Variants in HDAC9 observed in about 807,000 individuals in gnomAD.
The protein encoded by HDAC9 is histone deacetylase 9.
Under a neutral mutation model 139.4 loss-of-function variants are expected in HDAC9, and 41 were observed. That is an observed-to-expected ratio of 0.29 (90% CI 0.23 to 0.38). The LOEUF is 0.38. Ranked by LOEUF, HDAC9 falls within the 10% of genes least tolerant of loss-of-function variation. The probability of loss-of-function intolerance (pLI) is 1.00; values close to 1 mark genes in which losing one functional copy is unlikely to be tolerated. For missense variants in HDAC9, 1,147 were observed against 1,297.0 expected, an observed-to-expected ratio of 0.88 and a Z score of 1.78; for synonymous variants, 517 against 476.2, an observed-to-expected ratio of 1.09 and a Z score of -1.12.
At chr7:18,794,978 G>A (rs769526090) in intron 17 of HDAC9, among the ~76,000 whole-genome samples, 1 of 152,104 alleles carries the variant, frequency 6.6e-6, no homozygotes, top group African/African-American at 2.4e-5. Flanking sequence ...ATGCCCACGT[G>A]TTTCAGTCAT....
intron 1 of HDAC9, among the ~76,000 whole-genome samples, chr7:18,328,250 G>C (rs929303776): frequency 6.6e-6 from 1 of 151,916 alleles, no homozygotes; most frequent in Non-Finnish European, 1.5e-5. Flanking sequence ...ACGTGGAATT[G>C]CCTTTACTCG....
chr7:18,647,800 A>C lies in HDAC9; in HGVS notation c.1051A>C (p.Lys351Gln), dbSNP rs1326583911. 1.2e-6 allele frequency: 2 copies of C among 1,609,226 alleles called. No individual in the cohort carries two copies. Among genetic ancestry groups the C allele is most frequent in the Non-Finnish European group, 8.5e-7 (1 of 1,177,696 alleles). The change falls in exon 10 of 26, where the codon AAA (lysine) becomes CAA (glutamine). Residue 351 changes from lysine to glutamine, a missense_variant. Lys to Gln is a moderately conservative substitution (Grantham distance 53, BLOSUM62 1). This residue lies in a region of HDAC9 where 264 missense variants were observed against 273.8 expected (regional missense o/e 0.96). Coordinates refer to ENST00000686413, the MANE Select transcript of HDAC9 (RefSeq NM_178425.4). ...PSQLNASNSL[K>Q]EKQKCETQTL... The stretch of plus-strand genomic sequence containing the variant: ...CTCAACACAGGCTTCGAATTCACTC[A>C]AAGAAAAGCAGAAGTGTGAGACGCA...
chr7:18,789,637 G>A (rs1020150480), intron 16 of HDAC9, among the ~76,000 whole-genome samples: 1 of 152,080 alleles, frequency 6.6e-6, no homozygotes, highest in Non-Finnish European at 1.5e-5. Flanking sequence ...ATGTGAGGGT[G>A]CCTGTCTTCT....
rs575408136 is a variant in HDAC9, at chr7:18,421,456, GAGAA to G, written c.-41-74793_-41-74790del. 6.4e-4 allele frequency among the ~76,000 whole-genome samples: 96 copies of G among 149,966 alleles called. 1 individual carries two copies. Among genetic ancestry groups the G allele is most frequent in the Non-Finnish European group, 5.6e-4 (38 of 67,286 alleles). ...GAAAGGGAAAGAGAAAAGGGAGAAA[GAGAA>G]AGAAAGAAAGAATGAAAAAATGAAA... On this transcript the variant is annotated intron_variant, in intron 1 of 3. Transcript: ENST00000413509.
chr7:18,647,676 G>T (rs1460963296), intron 9 of HDAC9, 109 bp from the exon 10 acceptor site: 1 of 866,916 alleles, frequency 1.2e-6, no homozygotes, highest in Non-Finnish European at 1.7e-6. Flanking sequence ...GGTAAGATGG[G>T]GCTTTTGTTT....
chr7:18,803,058 A>G (rs1207853371), intron 17 of HDAC9, among the ~76,000 whole-genome samples: 4 of 151,826 alleles, frequency 2.6e-5, no homozygotes, highest in South Asian at 2.1e-4. Context: ...TTGTCCCCTT[A>G]CTTTCACCCG....
At chr7:18,585,152 C>A in intron 2 of HDAC9, 129 bp from the exon 3 acceptor site, 1 of 968,220 alleles carries the variant, frequency 1.0e-6, no homozygotes, top group Non-Finnish European at 1.6e-6. Flanking sequence ...AAAGAAATGG[C>A]TAGAGTCATT....
intron 2 of HDAC9, chr7:18,578,272 A>G (rs1429718116): frequency 1.2e-5 from 6 of 517,782 alleles, no homozygotes; most frequent in African/African-American, 9.6e-5. Context: ...ACACAATGAC[A>G]TCGAAGGTGT....
At chr7:18,912,894 T>G (rs1336082972) in intron 22 of HDAC9, among the ~76,000 whole-genome samples, 1 of 152,094 alleles carries the variant, frequency 6.6e-6, no homozygotes, top group East Asian at 1.9e-4. Context: ...AATATGCTCA[T>G]GCACCTTGAA....
chr7:18,101,183 C>T (rs1298901161), intron 1 of HDAC9, among the ~76,000 whole-genome samples: 5 of 152,196 alleles, frequency 3.3e-5, no homozygotes, highest in African/African-American at 1.2e-4. Flanking sequence ...GCTTTCCCCC[C>T]TCCAGTACTC....
At chr7:18,217,667 A>G (rs1792411740) in intron 2 of HDAC9, among the ~76,000 whole-genome samples, 2 of 152,218 alleles carry the variant, frequency 1.3e-5, no homozygotes, top group Admixed American at 6.5e-5. Context: ...ATTAATCTTA[A>G]AAATCTGTAT....
chr7:18,168,380 CA>C (rs1337283887), intron 2 of HDAC9, among the ~76,000 whole-genome samples: 1 of 152,192 alleles, frequency 6.6e-6, no homozygotes, highest in Admixed American at 6.5e-5. Flanking sequence ...CTGATCTTTT[CA>C]TGAACACTAC....
chr7:18,251,573 T>C (rs1478013357), intron 2 of HDAC9, among the ~76,000 whole-genome samples: 2 of 152,158 alleles, frequency 1.3e-5, no homozygotes, highest in Admixed American at 6.5e-5. Flanking sequence ...TTGGAGAAGA[T>C]GGAGGGCAGG....
intron 2 of HDAC9, among the ~76,000 whole-genome samples, chr7:18,223,952 C>T (rs1352359393): frequency 6.6e-6 from 1 of 152,130 alleles, no homozygotes; most frequent in Non-Finnish European, 1.5e-5. Context: ...TGTAATTGCA[C>T]TAATTGTAAT....
chr7:18,826,116 T>G (rs890505304), intron 17 of HDAC9, among the ~76,000 whole-genome samples: 1 of 152,122 alleles, frequency 6.6e-6, no homozygotes, highest in Non-Finnish European at 1.5e-5. Flanking sequence ...TGACAGAGAA[T>G]AAAGGAACCC....
Position 18,647,816 on chromosome 7 carries a change from G to A in HDAC9, c.1067G>A (p.Cys356Tyr). Residue 356 changes from cysteine to tyrosine, a missense_variant, in exon 10 of 26, where the codon TGT (cysteine) becomes TAT (tyrosine). This residue lies in a region of HDAC9 where 264 missense variants were observed against 273.8 expected (regional missense o/e 0.96). Transcript: ENST00000686413. ...AATTCACTCAAAGAAAAGCAGAAGT[G>A]TGAGACGCAGACGCTTAGGCAAGGT... ...ASNSLKEKQK[C>Y]ETQTLRQGVP... The A allele has an allele frequency of 1.2e-6, 2 of 1,611,520 alleles. No individual in the cohort carries two copies. The highest frequency in any genetic ancestry group is 1.7e-6 in the Non-Finnish European group (2 of 1,178,790).
chr7:18,392,052 G>A (rs1029324755), intron 1 of HDAC9, among the ~76,000 whole-genome samples: 1 of 151,986 alleles, frequency 6.6e-6, no homozygotes, highest in Non-Finnish European at 1.5e-5. Flanking sequence ...TCTTTAATGA[G>A]GTGAGCAAGA....
intron 1 of HDAC9, among the ~76,000 whole-genome samples, chr7:18,311,020 A>C (rs1482469464): frequency 6.6e-6 from 1 of 151,986 alleles, no homozygotes; most frequent in Admixed American, 6.6e-5. Flanking sequence ...TAAGATCTTT[A>C]TGTTAATGTA....
At chr7:18,374,990 G>C (rs75606013) in intron 1 of HDAC9, among the ~76,000 whole-genome samples, 1 of 151,962 alleles carries the variant, frequency 6.6e-6, no homozygotes, top group African/African-American at 2.4e-5. Context: ...AGCACATATA[G>C]TTATGTACAA....
Sources: gnomAD v4.1 joint callset for allele counts (sites outside exome capture counted in the v4.1 genomes callset) on GRCh38, gnomAD v4.1.1 for gene constraint, gnomAD v4.1.1 regional missense constraint, MANE v1.5 for transcripts, NCBI Gene and HGNC (gene_info 2026-07-23, HGNC 2026-07-21) for gene names.